Variants in TSPAN9 observed in about 807,000 individuals in gnomAD.
TSPAN9 encodes the protein tetraspanin-9.
In TSPAN9, 16 loss-of-function variants were observed where a neutral mutation model predicts 31.0. The ratio of observed to expected loss-of-function variants is 0.52; its 90% confidence interval spans 0.35 to 0.78. TSPAN9 has a LOEUF of 0.78. TSPAN9 is among the 30% of genes least tolerant of loss of function. The pLI is 0.01. For missense variants in TSPAN9, 272 were observed against 312.5 expected (o/e 0.87, Z 0.98); for synonymous variants, 145 against 121.6 (o/e 1.19, Z -1.27).
chr12:3,184,459 GA>G (rs992012065), intron 2 of TSPAN9, among the ~76,000 whole-genome samples: 18 of 151,680 alleles, frequency 1.2e-4, no homozygotes, highest in Admixed American at 9.9e-4. Flanking sequence ...AAGAGAAAGA[GA>G]AAAAAAAGAA....
At chr12:3,241,016 C>T (rs1323032797) in intron 3 of TSPAN9, among the ~76,000 whole-genome samples, 4 of 152,188 alleles carry the variant, frequency 2.6e-5, no homozygotes, top group East Asian at 1.9e-4. Flanking sequence ...CTTTCTACTA[C>T]AGCACTGGTT....
At chr12:3,239,175 T>A (rs1371717698) in intron 3 of TSPAN9, among the ~76,000 whole-genome samples, 1 of 150,970 alleles carries the variant, frequency 6.6e-6, no homozygotes, top group Non-Finnish European at 1.5e-5. Flanking sequence ...GCCTGGTGGG[T>A]AGTGAAAAAG....
Position 3,286,295 on chromosome 12 carries a change from CAAT to C in TSPAN9, c.*3181_*3183del, listed in dbSNP as rs1332579466. 1.3e-5 allele frequency: 2 copies of C among 152,702 alleles called. No homozygotes were observed. The highest frequency in any genetic ancestry group is 3.9e-4 in the East Asian group (2 of 5,160). 9.5% of individuals were successfully genotyped at this position (152,702 alleles called of 1,614,324 possible). On this transcript the variant is annotated 3_prime_UTR_variant, in exon 9 of 9. Transcript: ENST00000011898. This position sits in a 1 kb window ranked among gnomAD's most constrained non-coding sequence, Gnocchi z 4.1. The stretch of plus-strand genomic sequence containing the variant: ...TTTCCTCCTCCCCACTGCAGTGAGT[CAAT>C]AGTCCAGGGTGGGGCCTGGCCTCCC...
At chr12:3,182,314 C>T (rs1001454868) in intron 2 of TSPAN9, among the ~76,000 whole-genome samples, 1 of 151,946 alleles carries the variant, frequency 6.6e-6, no homozygotes, top group Non-Finnish European at 1.5e-5. Flanking sequence ...GGGTGGGGGG[C>T]TTCAGGGTTT....
At chr12:3,218,320 G>A (rs2098382443) in intron 3 of TSPAN9, among the ~76,000 whole-genome samples, 1 of 152,258 alleles carries the variant, frequency 6.6e-6, no homozygotes, top group Non-Finnish European at 1.5e-5. Flanking sequence ...TGAGGTCAGG[G>A]AGGAAAGAGG....
intron 3 of TSPAN9, among the ~76,000 whole-genome samples, chr12:3,210,053 A>G (rs372657431): frequency 0.013 from 1,896 of 149,808 alleles, 21 homozygotes; most frequent in South Asian, 0.037. Flanking sequence ...GGAGAATGGC[A>G]TCAACCCAGG....
Position 3,280,235 on chromosome 12 carries a change from C to G in TSPAN9, c.331-147C>G. 1 of 682,192 alleles carries G rather than the reference C, an allele frequency of 1.5e-6. No homozygotes were observed. The highest frequency in any genetic ancestry group is 2.5e-5 in the Admixed American group (1 of 40,694). The allele number at this position is 682,192 out of a possible 1,614,324, so 42.3% of individuals were successfully genotyped here. ...GTTGGGCCAGCAGAGGCCCCCACCC[C>G]AGTGGGCAGGGCCTTCCAGACCAGC... On this transcript the variant is annotated intron_variant, in intron 5 of 8. Coordinates refer to ENST00000011898, the MANE Select transcript of TSPAN9 (RefSeq NM_006675.5). This position sits in a 1 kb window ranked among gnomAD's most constrained non-coding sequence, Gnocchi z 4.5.
At chr12:3,201,011 G>A (rs71577818) in intron 2 of TSPAN9, 166 bp from the exon 3 acceptor site, 1 of 613,872 alleles carries the variant, frequency 1.6e-6, no homozygotes, top group Non-Finnish European at 2.9e-6. Flanking sequence ...GTCCACCTCC[G>A]GCCGCCCGTT....
At chr12:3,207,476 A>G (rs2098375901) in intron 3 of TSPAN9, among the ~76,000 whole-genome samples, 1 of 152,086 alleles carries the variant, frequency 6.6e-6, no homozygotes, top group African/African-American at 2.4e-5. Context: ...CCTGGCAGGG[A>G]TGTTAAAAAT....
At chr12:3,246,739 T>C (rs1402082836) in intron 3 of TSPAN9, among the ~76,000 whole-genome samples, 1 of 152,106 alleles carries the variant, frequency 6.6e-6, no homozygotes, top group Non-Finnish European at 1.5e-5. Context: ...GCTGTTCAGA[T>C]CCATCTGGTA....
intron 3 of TSPAN9, among the ~76,000 whole-genome samples, chr12:3,243,767 C>T (rs547087804): frequency 3.3e-5 from 5 of 152,192 alleles, no homozygotes; most frequent in Non-Finnish European, 5.9e-5. Context: ...GATTTTCTGT[C>T]TCCTCTGATA....
intron 2 of TSPAN9, among the ~76,000 whole-genome samples, chr12:3,165,733 C>G (rs1046974437): frequency 6.6e-6 from 1 of 152,102 alleles, no homozygotes. Flanking sequence ...CTTTGTGAGG[C>G]GCCCGTGAGA....
intron 3 of TSPAN9, among the ~76,000 whole-genome samples, chr12:3,242,540 G>A (rs1591700599): frequency 6.6e-6 from 1 of 152,366 alleles, no homozygotes; most frequent in East Asian, 1.9e-4. Flanking sequence ...TGGTGGCCAG[G>A]TGTTTCTTTC....
At chr12:3,105,790 ACT>A (rs374112549) in intron 2 of TSPAN9, among the ~76,000 whole-genome samples, 5,796 of 113,644 alleles carry the variant, frequency 0.051, 383 homozygotes, top group African/African-American at 0.16. Context: ...GCTCATACAC[ACT>A]CACGCACACA....
chr12:3,088,502 G>A (rs547144421), intron 2 of TSPAN9, among the ~76,000 whole-genome samples: 1 of 152,318 alleles, frequency 6.6e-6, no homozygotes, highest in East Asian at 1.9e-4. Context: ...GGCTGTGGCC[G>A]GCAGAGAGGG....
intron 8 of TSPAN9, 179 bp downstream of exon 8, chr12:3,281,996 C>A (rs73048979): frequency 1.3e-6 from 1 of 771,380 alleles, no homozygotes; most frequent in Non-Finnish European, 2.3e-6. Context: ...TATGAGAGCA[C>A]GTGTCTACTC....
At chr12:3,269,125 C>T (rs1200429761) in intron 3 of TSPAN9, among the ~76,000 whole-genome samples, 7 of 103,970 alleles carry the variant, frequency 6.7e-5, no homozygotes, top group Non-Finnish European at 1.2e-4. Flanking sequence ...TTCCTGCAGC[C>T]TGCCCTCTGT....
intron 2 of TSPAN9, among the ~76,000 whole-genome samples, chr12:3,106,912 A>G (rs2098314992): frequency 6.6e-6 from 1 of 152,152 alleles, no homozygotes; most frequent in Non-Finnish European, 1.5e-5. Flanking sequence ...AGCAAAACCA[A>G]GACCTTGGCT....
At chr12:3,282,244 C>A in intron 8 of TSPAN9, 1 of 550,084 alleles carries the variant, frequency 1.8e-6, no homozygotes, top group Non-Finnish European at 3.3e-6. Flanking sequence ...CCTCTGGGTC[C>A]CCGGCTCCTT....
Sources: allele counts gnomAD v4.1 joint callset (sites outside exome capture counted in the v4.1 genomes callset), GRCh38; gene constraint gnomAD v4.1.1; non-coding constraint Gnocchi (gnomAD v3.1); transcripts MANE v1.5; gene names NCBI Gene and HGNC (gene_info 2026-07-23, HGNC 2026-07-21).